The following ZCCHC8 variants were observed in gnomAD, a reference collection of about 807,000 sequenced individuals.
ZCCHC8 encodes the protein zinc finger CCHC domain-containing protein 8.
In ZCCHC8, 27 loss-of-function variants were observed where a neutral mutation model predicts 70.6. The ratio of observed to expected loss-of-function variants is 0.38; its 90% CI spans 0.28 to 0.53. ZCCHC8 has a LOEUF of 0.53. Ranked by LOEUF, ZCCHC8 falls within the 20% of genes least tolerant of loss-of-function variation. ZCCHC8 has a pLI of 0.81. For synonymous variants in ZCCHC8, 293 were observed against 317.4 expected, an observed-to-expected ratio of 0.92 and a Z score of 0.82; for missense variants, 737 against 876.9, an observed-to-expected ratio of 0.84 and a Z score of 2.01.
At chr12:122,482,936 G>C (rs1957564985) in intron 7 of ZCCHC8, 2 of 521,088 alleles carry the variant, frequency 3.8e-6, no homozygotes, top group Admixed American at 7.1e-5. Context: ...CCTCTTTTGA[G>C]TTTTTTCAGT....
At chr12:122,494,875 G>C (rs1357652170) in intron 2 of ZCCHC8, among the ~76,000 whole-genome samples, 1 of 152,174 alleles carries the variant, frequency 6.6e-6, no homozygotes, top group Non-Finnish European at 1.5e-5. Flanking sequence ...GTTTTTAAAA[G>C]TCACATGCAG....
At chr12:122,498,686 C>T in intron 2 of ZCCHC8, 141 bp downstream of exon 2, 1 of 806,706 alleles carries the variant, frequency 1.2e-6, no homozygotes, top group Admixed American at 2.4e-5. Context: ...ATAACTATTA[C>T]TTTGATTTCT....
intron 3 of ZCCHC8, among the ~76,000 whole-genome samples, chr12:122,491,594 C>T (rs1363773556): frequency 8.7e-5 from 13 of 148,908 alleles, no homozygotes; most frequent in African/African-American, 2.7e-4. Context: ...TTTGGGAGGC[C>T]GAGATGGGTG....
chr12:122,477,807 AAG>A (rs775134543), intron 13 of ZCCHC8, 32 bp downstream of exon 13: 2 of 1,461,458 alleles, frequency 1.4e-6, no homozygotes, highest in African/African-American at 1.4e-5. Flanking sequence ...AAAAAAAAAA[AAG>A]AGAGAAATCA....
chr12:122,497,380 A>G (rs1423023337), intron 2 of ZCCHC8, among the ~76,000 whole-genome samples: 1 of 151,730 alleles, frequency 6.6e-6, no homozygotes, highest in African/African-American at 2.4e-5. Flanking sequence ...CATCTCTACT[A>G]AATATATAAA....
intron 13 of ZCCHC8, 129 bp downstream of exon 13, chr12:122,477,712 C>A (rs1264433617): frequency 1.1e-5 from 8 of 708,818 alleles, no homozygotes; most frequent in Non-Finnish European, 2.0e-5. Flanking sequence ...AATACTTGAA[C>A]CCGGGAGGCA....
At chr12:122,481,702 C>A in intron 9 of ZCCHC8, 38 bp from the exon 10 acceptor site, 3 of 1,598,592 alleles carry the variant, frequency 1.9e-6, no homozygotes, top group Non-Finnish European at 2.6e-6. Context: ...ATACTGAATT[C>A]TTATTTGCAT....
In ZCCHC8 at chr12:122,500,800, T is replaced by G. The variant is rs369490516; in HGVS notation, c.41A>C (p.Glu14Ala). The change falls in exon 1 of 14, where the codon GAG (glutamate) becomes GCG (alanine). Residue 14 changes from glutamate (E) to alanine (A), a missense_variant. Coordinates refer to ENST00000633063, the MANE Select transcript of ZCCHC8 (RefSeq NM_017612.5). This position sits in a 1 kb window ranked among gnomAD's most constrained non-coding sequence, Gnocchi z 4.8. ...CGACTCCTCTGGGTGGTCGAACGGC[T>G]CGAAGAGCTCTAGATCGCCAAAATA... ...EVYFGDLELF[E>A]PFDHPEESIP... 1.3e-6 allele frequency: 2 copies of G among 1,582,926 alleles called. No individual in the cohort carries two copies. The highest frequency in any genetic ancestry group is 2.7e-5 in the African/African-American group (2 of 74,032).
In ZCCHC8 at chr12:122,497,576, T is replaced by G. The variant is rs993058966; in HGVS notation, c.242+1251A>C. Among the ~76,000 whole-genome samples the G allele has an allele frequency of 6.6e-5, 10 of 152,096 alleles. 1 individual carries two copies. The East Asian group carries it at 1.9e-3, about 29-fold the overall frequency. ...AAAAAATATAATAAAAAAGTGCATG[T>G]GAAATTACATCATGGCACCTCCAAA... On this transcript the variant is annotated intron_variant, in intron 2 of 13. Transcript: ENST00000633063.
intron 2 of ZCCHC8, among the ~76,000 whole-genome samples, chr12:122,498,165 T>C (rs987899814): frequency 6.6e-6 from 1 of 151,162 alleles, no homozygotes; most frequent in African/African-American, 2.4e-5. Context: ...AATCTTTTTT[T>C]TTTTTTTTTT....
At chr12:122,479,761 G>A (rs1957493880) in intron 11 of ZCCHC8, among the ~76,000 whole-genome samples, 1 of 152,120 alleles carries the variant, frequency 6.6e-6, no homozygotes, top group Non-Finnish European at 1.5e-5. Flanking sequence ...TAAGATTCTA[G>A]AAAGATTCTA....
chr12:122,477,533 C>T (rs1957443229), intron 13 of ZCCHC8, among the ~76,000 whole-genome samples: 1 of 147,958 alleles, frequency 6.8e-6, no homozygotes, highest in Admixed American at 6.7e-5. Flanking sequence ...GCCTGTAATC[C>T]CAGCACTTTG....
intron 2 of ZCCHC8, among the ~76,000 whole-genome samples, chr12:122,495,847 CAAAAAAAAA>C (rs538311699): frequency 1.3e-5 from 1 of 78,330 alleles, no homozygotes; most frequent in East Asian, 2.8e-4. Context: ...CACTCTGTCT[CAAAAAAAAA>C]AAAAAAAAAA....
intron 11 of ZCCHC8, among the ~76,000 whole-genome samples, chr12:122,478,978 C>T (rs375803735): frequency 3.3e-5 from 5 of 152,202 alleles, no homozygotes; most frequent in East Asian, 3.8e-4. Flanking sequence ...CACAGTCTTG[C>T]GTGATTGAGA....
chr12:122,480,476 T>TTC (rs1325218633), intron 10 of ZCCHC8, 165 bp from the exon 11 acceptor site: 2 of 484,946 alleles, frequency 4.1e-6, no homozygotes, highest in East Asian at 8.4e-5. Context: ...GACAGAACTT[T>TTC]TTTTTTTTTT....
Position 122,498,289 on chromosome 12 carries a change from G to A in ZCCHC8, c.242+538C>T, listed in dbSNP as rs571103661. On this transcript the variant is annotated intron_variant, in intron 2 of 13. Coordinates refer to ENST00000633063, the MANE Select transcript of ZCCHC8 (RefSeq NM_017612.5). ...AGCTGGGATTACAGGCGCCCACCACGTCCAGCTTATTTTTGTAATTTTAGT... is the reference window on the plus strand; with the variant it reads ...AGCTGGGATTACAGGCGCCCACCACATCCAGCTTATTTTTGTAATTTTAGT... Among the ~76,000 whole-genome samples, 9 of 150,732 alleles carry A rather than the reference G, an allele frequency of 6.0e-5. No individual in the cohort carries two copies. The East Asian group carries it at 9.8e-4, about 16-fold the overall frequency.
chr12:122,476,989 T>C (rs1406916242), intron 13 of ZCCHC8, among the ~76,000 whole-genome samples: 1 of 150,962 alleles, frequency 6.6e-6, no homozygotes, highest in Non-Finnish European at 1.5e-5. Context: ...GCCACTGCAC[T>C]CCAGCCTGGG....
rs76113702 is a variant in ZCCHC8, at chr12:122,478,749, T to G, written c.1141-457A>C. ...CCACACAGCTTGTTTCTCTCTCATC[T>G]CCAATCGCACATTCAACAGTGGTTC... is the stretch of plus-strand genomic sequence containing the variant. On this transcript the variant is annotated intron_variant, in intron 11 of 13. Transcript: ENST00000633063. 2.9e-3 allele frequency among the ~76,000 whole-genome samples: 439 copies of G among 152,208 alleles called. 16 individuals carry two copies. The East Asian group carries it at 0.064, about 22-fold the overall frequency.
chr12:122,486,587 A>C (rs1957645607), intron 5 of ZCCHC8, among the ~76,000 whole-genome samples: 1 of 151,272 alleles, frequency 6.6e-6, no homozygotes. Flanking sequence ...TTTTTTTTTG[A>C]GAGAGAGAGT....
Sources: allele counts gnomAD v4.1 joint callset (sites outside exome capture counted in the v4.1 genomes callset), GRCh38; gene constraint gnomAD v4.1.1; non-coding constraint Gnocchi (gnomAD v3.1); transcripts MANE v1.5; gene names NCBI Gene and HGNC (gene_info 2026-07-23, HGNC 2026-07-21).